Variants in CNKSR2 observed in about 807,000 individuals in gnomAD.
CNKSR2 encodes CNK homolog protein 2.
A neutral mutation model predicts 84.4 loss-of-function variants in CNKSR2; 14 were observed. The observed-to-expected ratio is 0.17, with a 90% CI of 0.11 to 0.26. The LOEUF is 0.26. Among genes scored for constraint, CNKSR2 ranks in the 10% least tolerant of loss-of-function variants. The pLI, the probability that CNKSR2 is intolerant of heterozygous loss-of-function variation, is 1.00. For missense variants in CNKSR2, 485 were observed against 771.2 expected (o/e 0.63, Z 4.40); for synonymous variants, 275 against 277.9 (o/e 0.99, Z 0.10).
chrX:21,639,934 C>T (rs1569288960), intron 20 of CNKSR2, among the ~76,000 whole-genome samples: 1 of 111,785 alleles, frequency 8.9e-6, no homozygotes, highest in Admixed American at 9.5e-5. Context: ...TCAGTAGTCA[C>T]TAGTACTGTG....
Position 21,652,757 on chromosome X carries a change from TTAAAA to T in CNKSR2, c.*238_*242del. The stretch of plus-strand genomic sequence containing the variant: ...TGCAAAATCAACTGTCTTTAATGAC[TTAAAA>T]TTAACTTTTGCAAACAATTCTAAAT... On this transcript the variant is annotated 3_prime_UTR_variant, in exon 22 of 22. Transcript: ENST00000379510. 3.3e-6 allele frequency: 1 copy of T among 303,180 alleles called. No homozygotes were observed. The highest frequency in any genetic ancestry group is 5.7e-6 in the Non-Finnish European group (1 of 174,972). The allele number at this position is 303,180 out of a possible 1,213,427, so 25.0% of individuals were successfully genotyped here.
At chrX:21,468,029 T>G (rs1444703526) in intron 4 of CNKSR2, among the ~76,000 whole-genome samples, 2 of 111,229 alleles carry the variant, frequency 1.8e-5, no homozygotes, top group Admixed American at 9.6e-5. Context: ...TGGCCTTTTA[T>G]CTATTGATTT....
In CNKSR2 at chrX:21,652,526, A is replaced by T. The variant is rs372630553; in HGVS notation, c.*5A>T. On this transcript the variant is annotated 3_prime_UTR_variant, in exon 22 of 22. Coordinates refer to ENST00000379510, the MANE Select transcript of CNKSR2 (RefSeq NM_014927.5). Reference sequence around the variant, plus strand: ...TACATTGAAACGCATGTCTAAATGTATTCTGCCTTCAGACCATCTAGTACC... The same window carrying T: ...TACATTGAAACGCATGTCTAAATGTTTTCTGCCTTCAGACCATCTAGTACC... 3.4e-6 allele frequency: 4 copies of T among 1,183,045 alleles called. No homozygotes were observed. In the African/African-American group the frequency reaches 5.3e-5, roughly 16 times the overall value.
At chrX:21,638,530 G>C (rs763149333) in intron 20 of CNKSR2, among the ~76,000 whole-genome samples, 7 of 111,802 alleles carry the variant, frequency 6.3e-5, no homozygotes, top group Non-Finnish European at 1.1e-4. Context: ...TCATCATTCA[G>C]ATCTCCAGGA....
intron 1 of CNKSR2, among the ~76,000 whole-genome samples, chrX:21,394,774 T>TA (rs1233127053): frequency 8.9e-6 from 1 of 112,041 alleles, no homozygotes; most frequent in African/African-American, 3.2e-5. Flanking sequence ...ATAAAAGGTT[T>TA]ATTATTATAC....
At chrX:21,426,966 A>G in intron 2 of CNKSR2, 1 of 263,702 alleles carries the variant, frequency 3.8e-6, no homozygotes, top group Non-Finnish European at 6.5e-6. Context: ...AGGCTCTCAC[A>G]CTGCCAGTTG....
At chrX:21,471,305 A>T (rs1427816763) in intron 5 of CNKSR2, among the ~76,000 whole-genome samples, 1 of 112,204 alleles carries the variant, frequency 8.9e-6, no homozygotes, top group East Asian at 2.8e-4. Flanking sequence ...TTATTACTAG[A>T]AATGGGCTAC....
intron 11 of CNKSR2, among the ~76,000 whole-genome samples, chrX:21,558,902 A>G (rs1272393634): frequency 9.0e-6 from 1 of 111,536 alleles, no homozygotes; most frequent in Non-Finnish European, 1.9e-5. Flanking sequence ...GATGACATGT[A>G]AAAACAGTGC....
intron 13 of CNKSR2, among the ~76,000 whole-genome samples, chrX:21,566,131 C>T (rs767160754): frequency 9.0e-6 from 1 of 111,283 alleles, no homozygotes; most frequent in African/African-American, 3.3e-5. Flanking sequence ...AAACATGTGG[C>T]CTTGTATGAT....
At chrX:21,541,552 A>G (rs1209548745) in intron 11 of CNKSR2, among the ~76,000 whole-genome samples, 1 of 111,608 alleles carries the variant, frequency 9.0e-6, no homozygotes, top group African/African-American at 3.3e-5. Context: ...ATTTCCTTCA[A>G]TATCATTTTG....
intron 21 of CNKSR2, among the ~76,000 whole-genome samples, chrX:21,651,741 A>G (rs2147349144): frequency 9.0e-6 from 1 of 111,398 alleles, no homozygotes; most frequent in South Asian, 3.8e-4. Context: ...AGCTTCCAAC[A>G]TGGAAGGGAG....
chrX:21,634,260 A>G (rs1602059510), intron 20 of CNKSR2, among the ~76,000 whole-genome samples: 2 of 112,503 alleles, frequency 1.8e-5, no homozygotes, highest in African/African-American at 6.4e-5. Flanking sequence ...ATTTATAACA[A>G]ATTTGACATA....
chrX:21,404,450 T>G (rs776384801), intron 1 of CNKSR2, among the ~76,000 whole-genome samples: 35 of 111,267 alleles, frequency 3.1e-4, no homozygotes, highest in African/African-American at 1.1e-3. Context: ...TATTCATTTC[T>G]TAAAACCTTT....
intron 20 of CNKSR2, among the ~76,000 whole-genome samples, chrX:21,627,666 A>G (rs2092630335): frequency 1.8e-5 from 2 of 111,666 alleles, no homozygotes; most frequent in Admixed American, 1.9e-4. Context: ...GGAAACTCCC[A>G]TTTTTAAAAC....
intron 1 of CNKSR2, among the ~76,000 whole-genome samples, chrX:21,378,873 A>G (rs935034645): frequency 9.0e-6 from 1 of 111,456 alleles, no homozygotes; most frequent in Non-Finnish European, 1.9e-5. Flanking sequence ...CTTTTGTATT[A>G]TTATGATTCT....
intron 1 of CNKSR2, among the ~76,000 whole-genome samples, chrX:21,420,379 G>A (rs1476944294): frequency 8.9e-6 from 1 of 112,433 alleles, no homozygotes; most frequent in African/African-American, 3.2e-5. Flanking sequence ...CCAAGAACCT[G>A]CTTTGTTCTC....
chrX:21,558,154 A>G (rs1401967162), intron 11 of CNKSR2, among the ~76,000 whole-genome samples: 1 of 111,285 alleles, frequency 9.0e-6, no homozygotes, highest in African/African-American at 3.2e-5. Flanking sequence ...AGTAGCAAAC[A>G]TATTTTCAAG....
At chrX:21,492,041 C>G (rs1048786662) in intron 6 of CNKSR2, 4 of 110,925 alleles carry the variant, frequency 3.6e-5, no homozygotes, top group African/African-American at 1.3e-4. Context: ...ACCACCTTGG[C>G]CTTGATCTAG....
At chrX:21,484,452 A>G (rs1217512012) in intron 5 of CNKSR2, among the ~76,000 whole-genome samples, 1 of 112,188 alleles carries the variant, frequency 8.9e-6, no homozygotes, top group Non-Finnish European at 1.9e-5. Flanking sequence ...TATTGATAAT[A>G]AGCCTGAATT....
Sources: allele counts gnomAD v4.1 joint callset (sites outside exome capture counted in the v4.1 genomes callset), GRCh38; gene constraint gnomAD v4.1.1; transcripts MANE v1.5; gene names NCBI Gene and HGNC (gene_info 2026-07-23, HGNC 2026-07-21).